RRP1B: variants seen among roughly 807,000 people sequenced by gnomAD.
RRP1B encodes the protein ribosomal RNA processing 1B.
RRP1B carries 56 observed loss-of-function variants against 80.2 expected under a neutral mutation model. The observed-to-expected ratio is 0.70, with a 90% confidence interval of 0.56 to 0.87. The LOEUF is 0.87. Among genes scored for constraint, RRP1B ranks in the 40% least tolerant of loss-of-function variants. RRP1B has a pLI of 0.00. For missense variants in RRP1B, 807 were observed against 939.8 expected (o/e 0.86, Z 1.85); for synonymous variants, 351 against 357.6 (o/e 0.98, Z 0.21).
At chr21:43,670,671 T>C in intron 2 of RRP1B, among the ~76,000 whole-genome samples, 1 of 151,610 alleles carries the variant, frequency 6.6e-6, no homozygotes, top group East Asian at 1.9e-4. Context: ...CTTAGGACCT[T>C]ATGAGATTTT....
chr21:43,668,360 C>CTT (rs767474011), intron 1 of RRP1B, among the ~76,000 whole-genome samples: 7 of 140,520 alleles, frequency 5.0e-5, no homozygotes, highest in Non-Finnish European at 3.1e-5. Context: ...CTTTTTGTCA[C>CTT]TTTTTTTTTT....
In RRP1B at chr21:43,668,341, T is replaced by C. The variant is rs964026128; in HGVS notation, c.131-1543T>C. Reference sequence around the variant, plus strand: ...AATACACTAAACAAACTTTGGTCCATTAAAAGGTCTTTTTGTCACTTTTTT... The same window carrying C: ...AATACACTAAACAAACTTTGGTCCACTAAAAGGTCTTTTTGTCACTTTTTT... On this transcript the variant is annotated intron_variant, in intron 1 of 15. Coordinates refer to ENST00000340648, the MANE Select transcript of RRP1B (RefSeq NM_015056.3). Among the ~76,000 whole-genome samples, 3 of 151,836 alleles carry C rather than the reference T, an allele frequency of 2.0e-5. No homozygotes were observed. The East Asian group carries it at 5.8e-4, about 29-fold the overall frequency.
rs2083085087 is a variant in RRP1B at position 43,691,236 on chromosome 21, A to G, written c.2020-203A>G. The stretch of plus-strand genomic sequence containing the variant: ...GCGTGTGTGGGACGCTGGGAAGGAC[A>G]AAGGGCGGTCCTGGTGAAGCCCCGA... On this transcript the variant is annotated intron_variant, in intron 14 of 15. Coordinates refer to ENST00000340648, the MANE Select transcript of RRP1B (RefSeq NM_015056.3). The surrounding 1 kb of genome is among the most constrained non-coding windows in gnomAD (Gnocchi z 4.2). Among the ~76,000 whole-genome samples, 1 of 152,162 alleles carries G rather than the reference A, an allele frequency of 6.6e-6. No individual in the cohort carries two copies. The highest frequency in any genetic ancestry group is 2.1e-4 in the South Asian group (1 of 4,830).
chr21:43,681,181 T>C (rs539006451), intron 8 of RRP1B, among the ~76,000 whole-genome samples: 2 of 151,956 alleles, frequency 1.3e-5, no homozygotes, highest in African/African-American at 4.8e-5. Context: ...AGGTGGAGGC[T>C]GAAGTGAGCC....
chr21:43,691,764 C>T lies in RRP1B; in HGVS notation c.2083+262C>T, dbSNP rs1052833356. 2.0e-5 allele frequency among the ~76,000 whole-genome samples: 3 copies of T among 152,150 alleles called. No homozygotes were observed. Among genetic ancestry groups the T allele is most frequent in the South Asian group, 2.1e-4 (1 of 4,804 alleles). On this transcript the variant is annotated intron_variant, in intron 15 of 15. Transcript: ENST00000340648. This position sits in a 1 kb window ranked among gnomAD's most constrained non-coding sequence, Gnocchi z 4.2. ...AAGCGATTCTCCTGCCTCAGGCTGC[C>T]GGGTAGCGGGTAGCTGGGATCACAG...
In RRP1B at chr21:43,694,998, A is replaced by G. The variant is rs1402160182; in HGVS notation, c.*1615A>G. ...CCTACTCTGTAATCGTTTTGTCATA[A>G]TGAGCCATGAAAAAAGTAATGAACT... On this transcript the variant is annotated 3_prime_UTR_variant, in exon 16 of 16. Coordinates refer to ENST00000340648, the MANE Select transcript of RRP1B (RefSeq NM_015056.3). 6.6e-6 allele frequency: 1 copy of G among 152,178 alleles called. No individual in the cohort carries two copies. The highest frequency in any genetic ancestry group is 1.9e-4 in the East Asian group (1 of 5,192). 9.4% of individuals were successfully genotyped at this position (152,178 alleles called of 1,614,324 possible). A position where few individuals can be genotyped will look rare whatever the true frequency, so the allele number is the denominator to read the frequency against.
At position 43,688,237 on chromosome 21, in the gene RRP1B, T is replaced by C. The variant is rs553106721; in HGVS notation, c.1863T>C (p.Ala621=). The stretch of plus-strand genomic sequence containing the variant: ...AGTCCGAAGCTGGGCAACCCCAGGC[T>C]CTGGTAAGGTGGGAGCACCCACAGG... ...VLESEAGQPQ[A]LGSSGTCSSL... Residue 621 remains alanine, a synonymous_variant, in exon 13 of 16, where the codon GCT becomes GCC. Transcript: ENST00000340648. The C allele has an allele frequency of 6.5e-6, 10 of 1,543,134 alleles. No homozygotes were observed. Among genetic ancestry groups the C allele is most frequent in the Non-Finnish European group, 8.8e-6 (10 of 1,141,914 alleles).
In RRP1B at chr21:43,659,816, G is replaced by A. The variant is rs1227207279; in HGVS notation, c.130+22G>A. ...ACAGGTGGGCGCACGGCCGCGGTCA[G>A]CCGCGCCACATGGCGGGCCGGGGGC... On this transcript the variant is annotated intron_variant, in intron 1 of 15. Coordinates refer to ENST00000340648, the MANE Select transcript of RRP1B (RefSeq NM_015056.3). This position sits in a 1 kb window ranked among gnomAD's most constrained non-coding sequence, Gnocchi z 4.2. The A allele has an allele frequency of 1.3e-6, 2 of 1,494,758 alleles. No homozygotes were observed. Among genetic ancestry groups the A allele is most frequent in the Admixed American group, 4.4e-5 (2 of 45,960 alleles). 92.6% of individuals were successfully genotyped at this position (1,494,758 alleles called of 1,614,324 possible).
chr21:43,675,295 T>C, intron 6 of RRP1B, 132 bp downstream of exon 6: 1 of 798,314 alleles, frequency 1.3e-6, no homozygotes, highest in Non-Finnish European at 2.0e-6. Context: ...TTCAGTCCTG[T>C]CTGGGAATGT....
chr21:43,673,686 A>C (rs2083009420), intron 3 of RRP1B, among the ~76,000 whole-genome samples, 184 bp from the exon 4 acceptor site: 2 of 152,046 alleles, frequency 1.3e-5, no homozygotes, highest in South Asian at 4.1e-4. Flanking sequence ...AGTGATGTTT[A>C]ATAAATAAGT....
intron 1 of RRP1B, among the ~76,000 whole-genome samples, chr21:43,668,675 G>A (rs1343622835): frequency 6.6e-6 from 1 of 152,020 alleles, no homozygotes; most frequent in Non-Finnish European, 1.5e-5. Flanking sequence ...GGCCCTTTTT[G>A]TCACTTTTTA....
chr21:43,674,916 C>CA lies in RRP1B; in HGVS notation c.420-117dup, dbSNP rs1054442519. 5.1e-6 allele frequency: 7 copies of CA among 1,360,336 alleles called. No homozygotes were observed. In the African/African-American group the frequency reaches 1.0e-4, roughly 20 times the overall value. The allele number at this position is 1,360,336 out of a possible 1,614,324, so 84.3% of individuals were successfully genotyped here. On this transcript the variant is annotated intron_variant, in intron 5 of 15. Transcript: ENST00000340648. Reference sequence around the variant, plus strand: ...TGCTTTTTTCCTTGTAAAATGATTTCAGCCTTGCATTGATTGTTAGGCTGT... The same window carrying CA: ...TGCTTTTTTCCTTGTAAAATGATTTCAAGCCTTGCATTGATTGTTAGGCTGT...
intron 13 of RRP1B, 114 bp downstream of exon 13, chr21:43,688,354 C>A: frequency 7.8e-7 from 1 of 1,279,030 alleles, no homozygotes. Flanking sequence ...CCTCTGGACT[C>A]AGCAGCAGTT....
At chr21:43,674,938 C>A in intron 5 of RRP1B, 96 bp from the exon 6 acceptor site, 1 of 1,472,700 alleles carries the variant, frequency 6.8e-7, no homozygotes, top group Non-Finnish European at 9.2e-7. Context: ...GATTGTTAGG[C>A]TGTGTAGGTT....
chr21:43,678,768 TTTAA>T (rs1350296020), intron 8 of RRP1B, among the ~76,000 whole-genome samples: 2 of 152,190 alleles, frequency 1.3e-5, no homozygotes, highest in Admixed American at 6.5e-5. Context: ...AGCTTTTTAG[TTTAA>T]TTAAGTCACA....
At chr21:43,686,087 C>A (rs1414246530) in intron 11 of RRP1B, 2 of 240,968 alleles carry the variant, frequency 8.3e-6, no homozygotes, top group African/African-American at 4.6e-5. Context: ...CACCACTGCA[C>A]TCCAGCCTGG....
chr21:43,662,916 CA>C (rs1487557003), intron 1 of RRP1B, among the ~76,000 whole-genome samples: 1 of 152,184 alleles, frequency 6.6e-6, no homozygotes, highest in Non-Finnish European at 1.5e-5. Flanking sequence ...GGAGGCATCC[CA>C]AAATCAACCC....
rs574596930 is a variant in RRP1B, at chr21:43,683,871, C to T, written c.891+498C>T. On this transcript the variant is annotated intron_variant, in intron 9 of 15. Transcript: ENST00000340648. Reference sequence around the variant, plus strand: ...GCGCACGCCTGTAATCCCAGCTACTCGGGAGGCTGAGGCAGGAAAATCATT... The same window carrying T: ...GCGCACGCCTGTAATCCCAGCTACTTGGGAGGCTGAGGCAGGAAAATCATT... 3.0e-4 allele frequency among the ~76,000 whole-genome samples: 44 copies of T among 147,186 alleles called. 1 individual carries two copies. In the South Asian group the frequency reaches 5.3e-3, roughly 18 times the overall value.
At chr21:43,675,239 T>G (rs953946653) in intron 6 of RRP1B, 76 bp downstream of exon 6, 2 of 1,461,116 alleles carry the variant, frequency 1.4e-6, no homozygotes, top group African/African-American at 2.8e-5. Context: ...TGAAGTGCTG[T>G]GGGGTGGCCC....
Sources: gnomAD v4.1 joint callset for allele counts (sites outside exome capture counted in the v4.1 genomes callset) on GRCh38, gnomAD v4.1.1 for gene constraint, Gnocchi (gnomAD v3.1) non-coding constraint, MANE v1.5 for transcripts, NCBI Gene and HGNC (gene_info 2026-07-23, HGNC 2026-07-21) for gene names.